The following FHIT variants were observed in gnomAD, a reference collection of about 807,000 sequenced individuals.
FHIT encodes the protein bis(5'-adenosyl)-triphosphatase.
FHIT carries 19 observed loss-of-function variants against 17.9 expected under a neutral mutation model. The observed-to-expected ratio is 1.06, with a 90% CI of 0.74 to 1.56. FHIT has a LOEUF of 1.56. Ranked by LOEUF, FHIT falls within the 40% of genes most tolerant of loss-of-function variation. The pLI is 0.00. For missense variants in FHIT, 248 were observed against 189.2 expected, an observed-to-expected ratio of 1.31 and a Z score of -1.82; for synonymous variants, 81 against 69.7, an observed-to-expected ratio of 1.16 and a Z score of -0.81.
intron 2 of FHIT, among the ~76,000 whole-genome samples, chr3:61,149,770 C>G (rs2037331371): frequency 6.6e-6 from 1 of 151,620 alleles, no homozygotes; most frequent in Non-Finnish European, 1.5e-5. Flanking sequence ...GCCTCAGCTA[C>G]TCGGGAGGCT....
At chr3:59,759,115 G>C (rs930574629) in intron 8 of FHIT, among the ~76,000 whole-genome samples, 37 of 151,970 alleles carry the variant, frequency 2.4e-4, no homozygotes, top group African/African-American at 8.7e-4. Flanking sequence ...GGGGCAGGAA[G>C]GAATATTTCA....
chr3:60,005,072 T>G (rs1166833660), intron 7 of FHIT, among the ~76,000 whole-genome samples: 1 of 152,180 alleles, frequency 6.6e-6, no homozygotes, highest in Non-Finnish European at 1.5e-5. Context: ...CCAAGTAGTC[T>G]GGCCCCAGAG....
At position 60,381,122 on chromosome 3, in the gene FHIT, C is replaced by T. The variant is rs182302676; in HGVS notation, c.103+155738G>A. Among the ~76,000 whole-genome samples the T allele has an allele frequency of 6.6e-5, 10 of 152,176 alleles. 1 individual carries two copies. Among genetic ancestry groups the T allele is most frequent in the South Asian group, 2.1e-4 (1 of 4,822 alleles). On this transcript the variant is annotated intron_variant, in intron 5 of 9. Coordinates refer to ENST00000492590, the MANE Select transcript of FHIT (RefSeq NM_002012.4). ...TTATATTACCCATATATTGTATTCC[C>T]GCGATTAGCCCCAAAGATGCCTCCC...
At chr3:60,798,644 A>T (rs1701074043) in intron 4 of FHIT, among the ~76,000 whole-genome samples, 1 of 152,168 alleles carries the variant, frequency 6.6e-6, no homozygotes, top group Admixed American at 6.5e-5. Flanking sequence ...CAAGAGACAA[A>T]GGCCCTACTG....
intron 5 of FHIT, among the ~76,000 whole-genome samples, chr3:60,457,895 A>C (rs2032209184): frequency 1.3e-5 from 2 of 152,146 alleles, no homozygotes; most frequent in Admixed American, 1.3e-4. Context: ...ACCATCTCAC[A>C]CCAGTTAGAA....
intron 5 of FHIT, among the ~76,000 whole-genome samples, chr3:60,216,174 A>G (rs1703688331): frequency 6.6e-6 from 1 of 152,232 alleles, no homozygotes; most frequent in African/African-American, 2.4e-5. Flanking sequence ...GTTGCCCACA[A>G]GACTGCATAC....
At chr3:60,036,267 T>A (rs1701212294) in intron 5 of FHIT, among the ~76,000 whole-genome samples, 1 of 152,206 alleles carries the variant, frequency 6.6e-6, no homozygotes, top group South Asian at 2.1e-4. Flanking sequence ...CTAAGTTAGA[T>A]TCCACCTCCT....
intron 5 of FHIT, among the ~76,000 whole-genome samples, chr3:60,262,613 T>C (rs1252959401): frequency 6.6e-6 from 1 of 151,950 alleles, no homozygotes; most frequent in Non-Finnish European, 1.5e-5. Context: ...CCAACCCTTT[T>C]TACCTCTAGC....
At chr3:60,298,860 CA>C (rs1022635010) in intron 5 of FHIT, among the ~76,000 whole-genome samples, 1 of 152,158 alleles carries the variant, frequency 6.6e-6, no homozygotes, top group African/African-American at 2.4e-5. Flanking sequence ...AAGTGGCATG[CA>C]GCTGCAACTT....
intron 3 of FHIT, among the ~76,000 whole-genome samples, chr3:60,886,294 T>C (rs1414783933): frequency 1.3e-5 from 2 of 152,210 alleles, no homozygotes; most frequent in African/African-American, 4.8e-5. Flanking sequence ...ATTACAAGCA[T>C]TGAAAAATCT....
chr3:60,659,981 C>A (rs188455337), intron 4 of FHIT, among the ~76,000 whole-genome samples: 1 of 152,102 alleles, frequency 6.6e-6, no homozygotes. Context: ...TGAGGATAAG[C>A]CTGAGATGTA....
At chr3:60,060,464 A>G (rs1377283553) in intron 5 of FHIT, among the ~76,000 whole-genome samples, 1 of 152,180 alleles carries the variant, frequency 6.6e-6, no homozygotes, top group Admixed American at 6.5e-5. Flanking sequence ...CTCCCATCAC[A>G]TGGTTTATGT....
intron 4 of FHIT, among the ~76,000 whole-genome samples, chr3:60,740,780 A>C (rs1291701404): frequency 2.0e-5 from 3 of 152,242 alleles, no homozygotes. Flanking sequence ...AATGAGACTA[A>C]AGGCAATTCA....
chr3:60,991,711 T>C (rs769674596), intron 3 of FHIT, among the ~76,000 whole-genome samples: 2 of 152,068 alleles, frequency 1.3e-5, no homozygotes, highest in Non-Finnish European at 2.9e-5. Context: ...CTTCCCAGAG[T>C]CTTGGTGAAA....
chr3:60,504,893 T>G (rs2034665402), intron 5 of FHIT, among the ~76,000 whole-genome samples: 1 of 152,198 alleles, frequency 6.6e-6, no homozygotes, highest in Non-Finnish European at 1.5e-5. Flanking sequence ...TACATTATGT[T>G]CAATAGTCTG....
At chr3:60,852,502 G>A (rs1002210139) in intron 3 of FHIT, among the ~76,000 whole-genome samples, 11 of 151,974 alleles carry the variant, frequency 7.2e-5, no homozygotes, top group Non-Finnish European at 1.2e-4. Context: ...CAAATCCAAA[G>A]ATGAACAACT....
chr3:60,540,785 A>C (rs1201388915), intron 4 of FHIT, among the ~76,000 whole-genome samples: 1 of 152,236 alleles, frequency 6.6e-6, no homozygotes, highest in African/African-American at 2.4e-5. Context: ...CCACATAGCC[A>C]GAACTGTACA....
At chr3:60,966,768 T>A (rs568139551) in intron 3 of FHIT, among the ~76,000 whole-genome samples, 12 of 152,230 alleles carry the variant, frequency 7.9e-5, no homozygotes, top group Non-Finnish European at 1.5e-4. Context: ...AAACTGCAAT[T>A]GGAACAGAAG....
At chr3:61,203,925 G>A (rs1014380390) in intron 1 of FHIT, among the ~76,000 whole-genome samples, 2 of 152,134 alleles carry the variant, frequency 1.3e-5, no homozygotes, top group African/African-American at 4.8e-5. Context: ...TTGCCAGGAT[G>A]GCAAAAAATA....
Sources: allele counts gnomAD v4.1 joint callset (sites outside exome capture counted in the v4.1 genomes callset), GRCh38; gene constraint gnomAD v4.1.1; transcripts MANE v1.5; gene names NCBI Gene and HGNC (gene_info 2026-07-23, HGNC 2026-07-21).